ING5: variants seen among roughly 807,000 people sequenced by gnomAD.
The protein encoded by ING5 is inhibitor of growth protein 5.
Under a neutral mutation model 37.4 loss-of-function variants are expected in ING5, and 17 were observed. The observed-to-expected ratio is 0.45, with a 90% CI of 0.31 to 0.68. ING5 has a LOEUF of 0.68. Among genes scored for constraint, ING5 ranks in the 30% least tolerant of loss-of-function variants. ING5 has a pLI of 0.05. For missense variants in ING5, 233 were observed against 311.9 expected (o/e 0.75, Z 1.91); for synonymous variants, 123 against 116.6 (o/e 1.06, Z -0.36).
At chr2:241,687,138 CAGGGTCG>C (rs1479122187) in exon 1 of ING5, 9 of 389,556 alleles carry the variant, frequency 2.3e-5, no homozygotes, top group Non-Finnish European at 4.5e-6. Flanking sequence ...GAGGGGAGCG[CAGGGTCG>C]GAGGGGCTCC....
intron 3 of ING5, among the ~76,000 whole-genome samples, chr2:241,710,273 A>G (rs575913984): frequency 6.6e-6 from 1 of 151,808 alleles, no homozygotes; most frequent in East Asian, 1.9e-4. Context: ...AGCCTGGCTA[A>G]TTTTTGTAGT....
chr2:241,695,941 A>G (rs2069623467), intron 2 of ING5, among the ~76,000 whole-genome samples: 1 of 152,190 alleles, frequency 6.6e-6, no homozygotes, highest in Non-Finnish European at 1.5e-5. Context: ...TCAGCTAAAA[A>G]TGTAAGACAG....
At chr2:241,720,242 T>G (rs986006482) in intron 5 of ING5, 3 of 1,231,388 alleles carry the variant, frequency 2.4e-6, no homozygotes, top group Non-Finnish European at 3.0e-6. Context: ...TCTGGAGTTC[T>G]GTGGTGCGCG....
Position 241,689,219 on chromosome 2 carries a change from TCTC to T in ING5, c.-773-616_-773-614del, listed in dbSNP as rs746513395. ...CCTCCACTTCCCGGGTTCAACCTATTCTCCTGCATCAACCTCCCAAGTAGCTGA... is the reference window on the plus strand; with the variant it reads ...CCTCCACTTCCCGGGTTCAACCTATTCTGCATCAACCTCCCAAGTAGCTGA... On this transcript the variant is annotated intron_variant, in intron 1 of 7. Transcript: ENST00000636051. Among the ~76,000 whole-genome samples the T allele has an allele frequency of 3.3e-5, 5 of 151,994 alleles. 1 individual carries two copies. The South Asian group carries it at 6.2e-4, about 19-fold the overall frequency.
At chr2:241,724,893 CCAG>C (rs1691546694) in intron 7 of ING5, 93 bp from the exon 8 acceptor site, 1 of 1,346,634 alleles carries the variant, frequency 7.4e-7, no homozygotes, top group South Asian at 1.2e-5. Context: ...CTGCCGGCGT[CCAG>C]CAGCCCTGGG....
At chr2:241,716,985 T>C (rs1318468503) in intron 5 of ING5, among the ~76,000 whole-genome samples, 2 of 151,874 alleles carry the variant, frequency 1.3e-5, no homozygotes, top group Non-Finnish European at 2.9e-5. Flanking sequence ...AACAATATAG[T>C]CTCAAAAAAA....
chr2:241,693,621 C>CATTA (rs1258063219), intron 2 of ING5, among the ~76,000 whole-genome samples: 2 of 144,574 alleles, frequency 1.4e-5, no homozygotes, highest in Non-Finnish European at 3.0e-5. Flanking sequence ...CGCCTGTTCA[C>CATTA]ATTAGAGTTG....
At chr2:241,703,370 C>G (rs1329897053) in intron 1 of ING5, among the ~76,000 whole-genome samples, 2 of 152,076 alleles carry the variant, frequency 1.3e-5, no homozygotes, top group East Asian at 1.9e-4. Context: ...GGCAGCCCCC[C>G]TTAGGAGCCT....
At chr2:241,703,966 A>G (rs7590385) in intron 1 of ING5, among the ~76,000 whole-genome samples, 93,943 of 151,948 alleles carry the variant, frequency 0.62, 29,200 homozygotes, top group Admixed American at 0.7. Flanking sequence ...TACACTGCTC[A>G]ATGCACTGGA....
At chr2:241,720,809 C>T (rs2070412216) in intron 5 of ING5, 2 of 985,524 alleles carry the variant, frequency 2.0e-6, no homozygotes, top group African/African-American at 3.5e-5. Context: ...AGGGACAGGG[C>T]TCCCCATGGC....
intron 2 of ING5, among the ~76,000 whole-genome samples, chr2:241,706,534 C>T (rs1034350781): frequency 2.0e-5 from 3 of 146,816 alleles, no homozygotes; most frequent in Non-Finnish European, 4.4e-5. Flanking sequence ...GAGGCTGAGG[C>T]AGGAGAATCA....
chr2:241,711,325 C>T, intron 3 of ING5, 52 bp from the exon 4 acceptor site: 1 of 1,259,532 alleles, frequency 7.9e-7, no homozygotes, highest in Non-Finnish European at 1.1e-6. Flanking sequence ...ATTCGTGATT[C>T]TGAGGTGTTT....
In ING5 at chr2:241,704,714, G is replaced by T; in HGVS notation, c.99G>T (p.Gln33His). The change falls in exon 2 of 8, where the codon CAG (glutamine) becomes CAT (histidine). Residue 33 changes from glutamine (Q) to histidine (H), a missense_variant. Gln to His is a conservative substitution (Grantham distance 24). This residue lies in a region of ING5 where 93 missense variants were observed against 99.7 expected (regional missense o/e 0.93). Coordinates refer to ENST00000313552, the MANE Select transcript of ING5 (RefSeq NM_032329.6). The stretch of plus-strand genomic sequence containing the variant: ...TCCAGCTGATGCGAGAGCTGGACCA[G>T]AGGACGGAAGGTGGGTTCAGACCTC... ...RNFQLMRELD[Q>H]RTEDKKAEID... 1 of 1,613,940 alleles carries T rather than the reference G, an allele frequency of 6.2e-7. No individual in the cohort carries two copies. The highest frequency in any genetic ancestry group is 8.5e-7 in the Non-Finnish European group (1 of 1,179,828).
Position 241,727,046 on chromosome 2 carries a change from C to T in ING5, c.*2015C>T, listed in dbSNP as rs557642286. ...TCCTGACCTCACGATTTGCCCGCCT[C>T]GGCTTCCCAGAGTGCTGGGATTACA... On this transcript the variant is annotated 3_prime_UTR_variant, in exon 8 of 8. Transcript: ENST00000313552. The T allele has an allele frequency of 4.5e-4, 69 of 152,282 alleles. 1 individual carries two copies. Among genetic ancestry groups the T allele is most frequent in the South Asian group, 1.4e-3 (7 of 4,834 alleles). 9.4% of individuals were successfully genotyped at this position (152,282 alleles called of 1,614,324 possible).
At chr2:241,702,019 G>A (rs1005613617), upstream of ING5, 4 of 1,325,678 alleles carry the variant, frequency 3.0e-6, no homozygotes, top group Non-Finnish European at 3.9e-6. Context: ...CCCGCCTCCC[G>A]CGGCACCGCC....
chr2:241,724,754 G>A (rs892397426), intron 7 of ING5: 4 of 505,280 alleles, frequency 7.9e-6, no homozygotes, highest in South Asian at 7.0e-5. Context: ...GTGTCAAATC[G>A]GTTTTGCTCA....
chr2:241,722,439 TG>T, intron 5 of ING5: 1 of 985,370 alleles, frequency 1.0e-6, no homozygotes, highest in Non-Finnish European at 1.2e-6. Flanking sequence ...CACGGCCTCC[TG>T]GGGGCCCTCT....
chr2:241,714,061 A>C (rs2070195378), intron 5 of ING5, among the ~76,000 whole-genome samples: 2 of 152,054 alleles, frequency 1.3e-5, no homozygotes, highest in African/African-American at 4.8e-5. Flanking sequence ...CGCACAGAAC[A>C]AACATGGTTT....
chr2:241,714,260 A>G (rs1239847633), intron 5 of ING5, among the ~76,000 whole-genome samples: 1 of 152,194 alleles, frequency 6.6e-6, no homozygotes, highest in Non-Finnish European at 1.5e-5. Context: ...CCTAGACACT[A>G]TACATTATAG....
Sources: allele counts gnomAD v4.1 joint callset (sites outside exome capture counted in the v4.1 genomes callset), GRCh38; gene constraint gnomAD v4.1.1; regional missense constraint gnomAD v4.1.1; transcripts MANE v1.5; gene names NCBI Gene and HGNC (gene_info 2026-07-23, HGNC 2026-07-21).